Variants in DIPK1C observed in about 807,000 individuals in gnomAD.
The protein encoded by DIPK1C is familial non-conventional Alzheimer's dementia.
In DIPK1C, 33 loss-of-function variants were observed where a neutral mutation model predicts 28.0. The ratio of observed to expected loss-of-function variants is 1.18; its 90% confidence interval spans 0.89 to 1.58. The LOEUF (loss-of-function observed/expected upper bound fraction) is 1.58. Among genes scored for constraint, DIPK1C ranks in the 40% most tolerant of loss-of-function variants. The pLI is 0.00. For synonymous variants in DIPK1C, 255 were observed against 248.8 expected (o/e 1.02, Z -0.23); for missense variants, 569 against 568.5 (o/e 1.00, Z -0.01).
At chr18:74,439,785 A>G (rs187419295) in intron 3 of DIPK1C, among the ~76,000 whole-genome samples, 29 of 152,326 alleles carry the variant, frequency 1.9e-4, no homozygotes, top group Non-Finnish European at 2.9e-5. Flanking sequence ...GTGCCACTGC[A>G]CTTTGGCCTG....
Position 74,446,912 on chromosome 18 carries a change from C to T in DIPK1C, c.570G>A (p.Leu190=). The T allele has an allele frequency of 6.6e-7, 1 of 1,507,996 alleles. No homozygotes were observed. The highest frequency in any genetic ancestry group is 8.9e-7 in the Non-Finnish European group (1 of 1,122,960). 93.4% of individuals were successfully genotyped at this position (1,507,996 alleles called of 1,614,324 possible). ...AGTAGACGTACTCCTCCTGCTGCAG[C>T]AGGGCCCACAGGCTGGCCAGCTGTC... ...WRGQLASLWA[L]LQQEEYVYFS... Residue 190 remains leucine (L), a synonymous_variant, in exon 2 of 4, where the codon CTG becomes CTA. Transcript: ENST00000343998.
chr18:74,450,588 G>A (rs1986375837), intron 1 of DIPK1C, among the ~76,000 whole-genome samples: 2 of 152,214 alleles, frequency 1.3e-5, no homozygotes, highest in African/African-American at 4.8e-5. Flanking sequence ...GTGACTGCCA[G>A]GGCCCTCACC....
chr18:74,443,691 C>G (rs1029270783), intron 2 of DIPK1C, among the ~76,000 whole-genome samples: 1 of 152,172 alleles, frequency 6.6e-6, no homozygotes, highest in Non-Finnish European at 1.5e-5. Context: ...TAAACAACTT[C>G]TCATTTTAAT....
At chr18:74,440,312 C>G (rs1488607135) in intron 3 of DIPK1C, among the ~76,000 whole-genome samples, 1 of 152,116 alleles carries the variant, frequency 6.6e-6, no homozygotes, top group Non-Finnish European at 1.5e-5. Flanking sequence ...AATGTAATTT[C>G]ATTTCTAGGA....
intron 3 of DIPK1C, 51 bp downstream of exon 3, chr18:74,441,901 A>G: frequency 6.3e-7 from 1 of 1,582,484 alleles, no homozygotes; most frequent in Non-Finnish European, 8.6e-7. Context: ...TAGCGGGCAG[A>G]AACAGCCAAA....
upstream of DIPK1C, among the ~76,000 whole-genome samples, chr18:74,462,666 TAAA>T (rs534368468): frequency 7.2e-6 from 1 of 138,374 alleles, no homozygotes; most frequent in African/African-American, 2.7e-5. Context: ...ATGTTTTGCT[TAAA>T]AAAAAAAAAA....
In DIPK1C at chr18:74,435,400, C is replaced by T. The variant is rs1985965103; in HGVS notation, c.*1101G>A. Reference sequence around the variant, plus strand: ...CCTGCCTGTATTTTGCTGGAAAAGCCTCCTTGGGATCACCACTGATGAGCG... The same window carrying T: ...CCTGCCTGTATTTTGCTGGAAAAGCTTCCTTGGGATCACCACTGATGAGCG... On this transcript the variant is annotated 3_prime_UTR_variant, in exon 4 of 4. Coordinates refer to ENST00000343998, the MANE Select transcript of DIPK1C (RefSeq NM_001044369.3). 1 of 152,204 alleles carries T rather than the reference C, an allele frequency of 6.6e-6. No homozygotes were observed. Among genetic ancestry groups the T allele is most frequent in the Admixed American group, 6.5e-5 (1 of 15,284 alleles). The allele number at this position is 152,204 out of a possible 1,614,324, so 9.4% of individuals were successfully genotyped here. A position where few individuals can be genotyped will look rare whatever the true frequency, so the allele number is the denominator to read the frequency against.
intron 1 of DIPK1C, among the ~76,000 whole-genome samples, chr18:74,453,708 G>A (rs1986446424): frequency 6.6e-6 from 1 of 152,148 alleles, no homozygotes; most frequent in African/African-American, 2.4e-5. Flanking sequence ...GTTATGTAGG[G>A]TTTCCATTAT....
chr18:74,447,700 T>C lies in DIPK1C; in HGVS notation c.199-417A>G, dbSNP rs1229112488. ...CTTCTAAGTCCCACATCTAAGCAGC[T>C]AGGTCAGGTCTCAGCAGAGGGGACC... On this transcript the variant is annotated intron_variant, in intron 1 of 3. Transcript: ENST00000343998. The surrounding 1 kb of genome is among the most constrained non-coding windows in gnomAD (Gnocchi z 4.1). 1.3e-5 allele frequency among the ~76,000 whole-genome samples: 2 copies of C among 152,148 alleles called. No homozygotes were observed. Among genetic ancestry groups the C allele is most frequent in the South Asian group, 2.1e-4 (1 of 4,828 alleles).
the DIPK1C span, among the ~76,000 whole-genome samples, chr18:74,463,618 G>A: frequency 2.0e-5 from 3 of 152,026 alleles, no homozygotes; most frequent in Admixed American, 6.5e-5. Context: ...CTTCAGGCAA[G>A]CGCATGAAGA....
At chr18:74,437,753 T>C (rs1010758243) in intron 3 of DIPK1C, among the ~76,000 whole-genome samples, 4 of 152,240 alleles carry the variant, frequency 2.6e-5, no homozygotes, top group Non-Finnish European at 5.9e-5. Flanking sequence ...CTCACCCCGA[T>C]GCTCAGCTCC....
At chr18:74,450,454 G>A (rs1465049315) in intron 1 of DIPK1C, among the ~76,000 whole-genome samples, 1 of 152,256 alleles carries the variant, frequency 6.6e-6, no homozygotes, top group Non-Finnish European at 1.5e-5. Context: ...GTGCTGAGGA[G>A]GGGAGGGCGG....
chr18:74,436,201 A>C lies in DIPK1C; in HGVS notation c.*300T>G, dbSNP rs1355555384. ...ACTCGTGCTGGGATAACCAGGTACA[A>C]GTGCTCTCTGCAGAGAATAAGTGCA... On this transcript the variant is annotated 3_prime_UTR_variant, in exon 4 of 4. Transcript: ENST00000343998. The C allele has an allele frequency of 7.6e-6, 3 of 395,588 alleles. No individual in the cohort carries two copies. Among genetic ancestry groups the C allele is most frequent in the East Asian group, 8.5e-5 (2 of 23,406 alleles). The allele number at this position is 395,588 out of a possible 1,614,324, so 24.5% of individuals were successfully genotyped here.
At chr18:74,441,893 G>GA in intron 3 of DIPK1C, 59 bp downstream of exon 3, 1 of 1,555,444 alleles carries the variant, frequency 6.4e-7, no homozygotes, top group Non-Finnish European at 8.8e-7. Flanking sequence ...TGAAGAGCTA[G>GA]CGGGCAGAAA....
chr18:74,435,183 ATTAAT>A lies in DIPK1C; in HGVS notation c.*1313_*1317del, dbSNP rs1369823182. ...CAGTTTGTGACTTTCACAACGTCCG[ATTAAT>A]TTGTCTTCTTTAATGTGTAAACTGC... On this transcript the variant is annotated 3_prime_UTR_variant, in exon 4 of 4. Coordinates refer to ENST00000343998, the MANE Select transcript of DIPK1C (RefSeq NM_001044369.3). 1 of 152,234 alleles carries A rather than the reference ATTAAT, an allele frequency of 6.6e-6. No individual in the cohort carries two copies. Among genetic ancestry groups the A allele is most frequent in the Non-Finnish European group, 1.5e-5 (1 of 68,044 alleles). 9.4% of individuals were successfully genotyped at this position (152,234 alleles called of 1,614,324 possible). A position where few individuals can be genotyped will look rare whatever the true frequency, so the allele number is the denominator to read the frequency against.
chr18:74,459,456 C>T (rs1041568380), upstream of DIPK1C, among the ~76,000 whole-genome samples: 18 of 152,214 alleles, frequency 1.2e-4, no homozygotes, highest in Non-Finnish European at 2.4e-4. Flanking sequence ...TGATGGTGCT[C>T]TCTAGCACAA....
intron 1 of DIPK1C, among the ~76,000 whole-genome samples, chr18:74,450,988 C>A (rs1986384640): frequency 2.6e-5 from 4 of 152,134 alleles, no homozygotes; most frequent in Admixed American, 2.0e-4. Context: ...GGGAGACAGT[C>A]CCAACACAGT....
In DIPK1C at chr18:74,456,721, C is replaced by G. The variant is rs528948372; in HGVS notation, c.198+341G>C. On this transcript the variant is annotated intron_variant, in intron 1 of 3. Transcript: ENST00000343998. ...CCGAGCCCGGCGGCCTGACACCGGA[C>G]GCGGCACCTCCCTGGACACTCGGAT... Among the ~76,000 whole-genome samples the G allele has an allele frequency of 6.4e-4, 98 of 152,312 alleles. 1 individual carries two copies. The highest frequency in any genetic ancestry group is 2.3e-3 in the African/African-American group (97 of 41,570).
chr18:74,452,408 A>C (rs1047737240), intron 1 of DIPK1C, among the ~76,000 whole-genome samples: 2 of 152,126 alleles, frequency 1.3e-5, no homozygotes, highest in Non-Finnish European at 2.9e-5. Context: ...CCTTTTAAAA[A>C]AAAACAGTCA....
Sources: allele counts gnomAD v4.1 joint callset (sites outside exome capture counted in the v4.1 genomes callset), GRCh38; gene constraint gnomAD v4.1.1; non-coding constraint Gnocchi (gnomAD v3.1); transcripts MANE v1.5; gene names NCBI Gene and HGNC (gene_info 2026-07-23, HGNC 2026-07-21).